The following NOMO2 variants were observed in gnomAD, a reference collection of about 807,000 sequenced individuals.
NOMO2 encodes the protein NODAL modulator 2.
NOMO2 carries 14 observed loss-of-function variants against 67.1 expected under a neutral mutation model. That is an observed-to-expected ratio of 0.21 (90% CI 0.14 to 0.33). NOMO2 has a LOEUF of 0.33. NOMO2 is among the 10% of genes least tolerant of loss of function. The probability of loss-of-function intolerance (pLI) is 1.00; values close to 1 mark genes in which losing one functional copy is unlikely to be tolerated. For missense variants in NOMO2, 178 were observed against 761.0 expected (o/e 0.23, Z 9.01); for synonymous variants, 80 against 305.9 (o/e 0.26, Z 7.71).
Position 18,560,814 on chromosome 16 carries a change from C to G in NOMO2, c.165+1062G>C, listed in dbSNP as rs1378202854. On this transcript the variant is annotated intron_variant, in intron 1 of 30. Coordinates refer to ENST00000622306, the MANE Select transcript of NOMO2 (RefSeq NM_173614.4). ...ACCCCTCCCCCAATCCTCAGCAGCC[C>G]GCTTTGCAGAACACAGAGCTTCACC... Among the ~76,000 whole-genome samples, 7 of 151,720 alleles carry G rather than the reference C, an allele frequency of 4.6e-5. No homozygotes were observed. In the South Asian group the frequency reaches 1.5e-3, roughly 32 times the overall value.
chr16:18,553,963 A>AT (rs1901848183), intron 3 of NOMO2, among the ~76,000 whole-genome samples: 1 of 146,128 alleles, frequency 6.8e-6, no homozygotes, highest in Admixed American at 7.0e-5. Flanking sequence ...AACAACGGTG[A>AT]TCCCTACTCC....
intron 1 of NOMO2, among the ~76,000 whole-genome samples, chr16:18,561,194 A>AAAAAAAAAAAAAC (rs1902039243): frequency 7.3e-6 from 1 of 137,092 alleles, no homozygotes; most frequent in Non-Finnish European, 1.6e-5. Flanking sequence ...AAAAAAAAAA[A>AAAAAAAAAAAAAC]AAAAAAAAAA....
At chr16:18,528,663 C>A (rs1411261344) in intron 15 of NOMO2, among the ~76,000 whole-genome samples, 4 of 151,774 alleles carry the variant, frequency 2.6e-5, no homozygotes, top group Admixed American at 2.6e-4. Context: ...GGAACAAATA[C>A]ACCAGAGAAG....
intron 16 of NOMO2, among the ~76,000 whole-genome samples, chr16:18,525,785 G>A (rs1901132221): frequency 6.6e-6 from 1 of 151,732 alleles, no homozygotes. Flanking sequence ...TACTGGAGGA[G>A]GGGGCGCAAG....
intron 1 of NOMO2, 98 bp from the exon 2 acceptor site, chr16:18,557,889 G>C (rs777259619): frequency 6.9e-6 from 11 of 1,594,626 alleles, no homozygotes; most frequent in Non-Finnish European, 8.6e-6. Context: ...TACATTCACT[G>C]AGGACCTACT....
intron 11 of NOMO2, among the ~76,000 whole-genome samples, chr16:18,536,562 G>C (rs1021945955): frequency 9.2e-5 from 14 of 151,790 alleles, no homozygotes; most frequent in Non-Finnish European, 2.1e-4. Context: ...AGTTGCCCAG[G>C]CTGGTCTCAA....
At chr16:18,543,560 AT>A (rs2141739459) in intron 7 of NOMO2, 56 bp downstream of exon 7, 1 of 1,609,740 alleles carries the variant, frequency 6.2e-7, no homozygotes, top group East Asian at 2.2e-5. Flanking sequence ...GTTCTGGTCT[AT>A]AATCCCCCAC....
intron 11 of NOMO2, among the ~76,000 whole-genome samples, chr16:18,535,624 C>T (rs1257609058): frequency 6.6e-6 from 1 of 151,930 alleles, no homozygotes; most frequent in Non-Finnish European, 1.5e-5. Context: ...CCTCGCCTGC[C>T]AGCCGCCTGG....
intron 6 of NOMO2, among the ~76,000 whole-genome samples, chr16:18,544,089 T>A (rs1901612965): frequency 6.6e-6 from 1 of 151,256 alleles, no homozygotes; most frequent in South Asian, 2.1e-4. Context: ...AGACAGGGTT[T>A]CACCGTGTTG....
At chr16:18,545,552 G>A (rs971066151) in intron 6 of NOMO2, among the ~76,000 whole-genome samples, 4 of 144,326 alleles carry the variant, frequency 2.8e-5, no homozygotes, top group African/African-American at 1.0e-4. Context: ...AGATAGAGTA[G>A]AAGCTGAAAT....
In NOMO2 at chr16:18,531,234, T is replaced by C. The variant is rs552842861; in HGVS notation, c.1538-66A>G. ...AAGGCTTCAGCACAGGTTCGAATCC[T>C]AACCCTATGTAATAGCTTCTTGCTA... On this transcript the variant is annotated intron_variant, in intron 13 of 30. Coordinates refer to ENST00000622306, the MANE Select transcript of NOMO2 (RefSeq NM_173614.4). 106 of 651,904 alleles carry C rather than the reference T, an allele frequency of 1.6e-4. No homozygotes were observed. The African/African-American group carries it at 1.8e-3, about 11-fold the overall frequency. 40.4% of individuals were successfully genotyped at this position (651,904 alleles called of 1,614,324 possible).
Position 18,531,529 on chromosome 16 carries a change from G to T in NOMO2, c.1474C>A (p.Pro492Thr), listed in dbSNP as rs933009472. The T allele has an allele frequency of 6.2e-7, 1 of 1,604,568 alleles. No homozygotes were observed. The highest frequency in any genetic ancestry group is 8.5e-7 in the Non-Finnish European group (1 of 1,176,902). Residue 492 changes from proline (P) to threonine (T), a missense_variant, in exon 13 of 31, where the codon CCC (proline) becomes ACC (threonine). Coordinates refer to ENST00000622306, the MANE Select transcript of NOMO2 (RefSeq NM_173614.4). ...QTFPLTVTDR[P>T]VMDVAFVQFL... ...TGTACAAAGGCCACATCCATCACGG[G>T]CCTGTCGGTCACAGTAAGAGGAAAT...
At chr16:18,531,724 G>T (rs543494372) in intron 12 of NOMO2, 117 bp from the exon 13 acceptor site, 4 of 1,550,430 alleles carry the variant, frequency 2.6e-6, no homozygotes, top group East Asian at 2.3e-5. Flanking sequence ...AAGGCCAAAG[G>T]TTCGTTTCCA....
chr16:18,555,703 G>A (rs1363963268), intron 2 of NOMO2, among the ~76,000 whole-genome samples: 1 of 134,912 alleles, frequency 7.4e-6, no homozygotes, highest in Non-Finnish European at 1.6e-5. Context: ...CCGTCTCCTG[G>A]GTTCAAGCGA....
chr16:18,552,688 T>C (rs1260192008), intron 3 of NOMO2, among the ~76,000 whole-genome samples: 2 of 151,776 alleles, frequency 1.3e-5, no homozygotes, highest in Admixed American at 6.6e-5. Flanking sequence ...AAACTGACGA[T>C]ACCAAGTGTA....
chr16:18,550,428 C>T (rs991959205), intron 4 of NOMO2, among the ~76,000 whole-genome samples: 2 of 150,398 alleles, frequency 1.3e-5, no homozygotes, highest in African/African-American at 2.4e-5. Flanking sequence ...TGCAAACCAT[C>T]GATAAAGAAA....
In NOMO2 at chr16:18,535,649, A is replaced by G. The variant is rs1901401775; in HGVS notation, c.1221-2470T>C. Among the ~76,000 whole-genome samples the G allele has an allele frequency of 2.6e-5, 4 of 151,738 alleles. No individual in the cohort carries two copies. The South Asian group carries it at 6.3e-4, about 24-fold the overall frequency. ...CAGCCGCCTGGGCCCGGCCACTACC[A>G]TATCTCCTCCAGACAACCACCACTG... On this transcript the variant is annotated intron_variant, in intron 11 of 30. Coordinates refer to ENST00000622306, the MANE Select transcript of NOMO2 (RefSeq NM_173614.4).
intron 15 of NOMO2, chr16:18,528,181 G>A (rs1223940714): frequency 2.4e-6 from 1 of 413,916 alleles, no homozygotes; most frequent in Non-Finnish European, 4.9e-6. Context: ...GCTTGGTGTG[G>A]GACTGCAGAG....
At position 18,537,114 on chromosome 16, in the gene NOMO2, C is replaced by T. The variant is rs1410818394; in HGVS notation, c.1220+1412G>A. Among the ~76,000 whole-genome samples, 4 of 152,074 alleles carry T rather than the reference C, an allele frequency of 2.6e-5. 1 individual carries two copies. In the East Asian group the frequency reaches 7.7e-4, roughly 29 times the overall value. ...TGCACATACATATTTGAGGTCCTGG[C>T]TGCCACCTGCGGCCAAATCTTCAGG... On this transcript the variant is annotated intron_variant, in intron 11 of 30. Coordinates refer to ENST00000622306, the MANE Select transcript of NOMO2 (RefSeq NM_173614.4).
Sources: allele counts gnomAD v4.1 joint callset (sites outside exome capture counted in the v4.1 genomes callset), GRCh38; gene constraint gnomAD v4.1.1; transcripts MANE v1.5; gene names NCBI Gene and HGNC (gene_info 2026-07-23, HGNC 2026-07-21).